Variants in TMEM40 observed in about 807,000 individuals in gnomAD.
TMEM40 encodes the protein transmembrane protein 40.
TMEM40 carries 34 observed loss-of-function variants against 40.8 expected under a neutral mutation model. The ratio of observed to expected loss-of-function variants is 0.83; its 90% CI spans 0.63 to 1.11. TMEM40 has a LOEUF of 1.11. Ranked by LOEUF, TMEM40 falls within the 50% of genes least tolerant of loss-of-function variation. The pLI, the probability that TMEM40 is intolerant of heterozygous loss-of-function variation, is 0.00. For synonymous variants in TMEM40, 106 were observed against 107.0 expected (o/e 0.99, Z 0.06); for missense variants, 296 against 280.2 (o/e 1.06, Z -0.40).
intron 5 of TMEM40, among the ~76,000 whole-genome samples, chr3:12,740,235 G>A (rs1383553601): frequency 1.3e-5 from 2 of 150,878 alleles, no homozygotes; most frequent in Non-Finnish European, 3.0e-5. Context: ...CTGGGATTAC[G>A]GGTGCCACCA....
At chr3:12,745,335 T>TGGAATTACA (rs1467323053) in intron 3 of TMEM40, among the ~76,000 whole-genome samples, 13 of 151,916 alleles carry the variant, frequency 8.6e-5, no homozygotes, top group Non-Finnish European at 1.9e-4. Flanking sequence ...CCCAAAGTGT[T>TGGAATTACA]GGAATTACAG....
chr3:12,738,608 G>C lies in TMEM40; in HGVS notation c.356-20C>G, dbSNP rs1250933244. The C allele has an allele frequency of 6.2e-7, 1 of 1,612,074 alleles. No individual in the cohort carries two copies. Among genetic ancestry groups the C allele is most frequent in the African/African-American group, 1.3e-5 (1 of 74,882 alleles). Reference sequence around the variant, plus strand: ...GAGCATCTGCACAGAAAGGAAATCAGTGATCATATACCCATGATCCTCTGG... The same window carrying C: ...GAGCATCTGCACAGAAAGGAAATCACTGATCATATACCCATGATCCTCTGG... On this transcript the variant is annotated intron_variant, in intron 5 of 11. Coordinates refer to ENST00000314124, the MANE Select transcript of TMEM40 (RefSeq NM_018306.4).
At position 12,736,640 on chromosome 3, in the gene TMEM40, G is replaced by C. The variant is rs759490002; in HGVS notation, c.557C>G (p.Ser186Cys). The C allele has an allele frequency of 1.9e-5, 31 of 1,599,912 alleles. No homozygotes were observed. Among genetic ancestry groups the C allele is most frequent in the Non-Finnish European group, 2.5e-5 (29 of 1,173,040 alleles). Residue 186 changes from serine (S) to cysteine (C), a missense_variant, in exon 10 of 12, where the codon TCT (serine) becomes TGT (cysteine). Coordinates refer to ENST00000314124, the MANE Select transcript of TMEM40 (RefSeq NM_018306.4). Reference sequence around the variant, plus strand: ...GAAGGTGAGCAGGCCGACCCCAAGAGACATGAACCAGTCTGGAAGGGCAGT... The same window carrying C: ...GAAGGTGAGCAGGCCGACCCCAAGACACATGAACCAGTCTGGAAGGGCAGT... ...CYHYYADWFM[S>C]LGVGLLTFAS... is the part of the protein sequence containing the mutation.
At chr3:12,749,276 G>A (rs901694113) in intron 2 of TMEM40, among the ~76,000 whole-genome samples, 33 of 152,186 alleles carry the variant, frequency 2.2e-4, no homozygotes, top group Non-Finnish European at 4.1e-4. Flanking sequence ...TGCCCGCCTC[G>A]GCCTCCCAAA....
chr3:12,735,638 A>C, intron 10 of TMEM40, 21 bp from the exon 11 acceptor site: 1 of 1,606,896 alleles, frequency 6.2e-7, no homozygotes. Flanking sequence ...GCAAAGAAAA[A>C]AGTAAGTTAA....
intron 1 of TMEM40, among the ~76,000 whole-genome samples, chr3:12,768,876 G>A (rs1235896963): frequency 1.4e-5 from 2 of 146,332 alleles, no homozygotes; most frequent in Non-Finnish European, 3.0e-5. Flanking sequence ...CGGCCCTGCA[G>A]GAGCCCATGG....
intron 2 of TMEM40, among the ~76,000 whole-genome samples, chr3:12,749,304 G>A (rs954034097): frequency 1.2e-4 from 19 of 152,158 alleles, no homozygotes; most frequent in African/African-American, 3.6e-4. Context: ...GATTACAGGC[G>A]TGAGCCGCCG....
intron 3 of TMEM40, 76 bp from the exon 4 acceptor site, chr3:12,744,065 T>TTTATTTA: frequency 6.9e-7 from 1 of 1,443,268 alleles, no homozygotes. Context: ...CTGGTGGCCA[T>TTTATTTA]TCTCAGAATT....
intron 4 of TMEM40, among the ~76,000 whole-genome samples, chr3:12,743,601 T>C (rs1035326153): frequency 1.3e-5 from 2 of 152,222 alleles, no homozygotes; most frequent in Non-Finnish European, 2.9e-5. Context: ...ATTAACATTT[T>C]AGCATTTTTC....
chr3:12,745,991 CG>C (rs1020612280), intron 3 of TMEM40, among the ~76,000 whole-genome samples: 2 of 151,734 alleles, frequency 1.3e-5, no homozygotes, highest in Non-Finnish European at 2.9e-5. Flanking sequence ...TCTGCCTCCC[CG>C]GCTTAAGTGA....
Position 12,739,968 on chromosome 3 carries a change from T to A in TMEM40, c.356-1380A>T, listed in dbSNP as rs549811643. On this transcript the variant is annotated intron_variant, in intron 5 of 11. Transcript: ENST00000314124. ...CCTCCCAAGTAGCTGGGATTACAGG[T>A]GTGAGCCACCATGTCTGGCTCTCAC... 4.0e-5 allele frequency among the ~76,000 whole-genome samples: 6 copies of A among 148,786 alleles called. No individual in the cohort carries two copies. The East Asian group carries it at 1.0e-3, about 25-fold the overall frequency.
At chr3:12,753,438 G>T (rs1487342540) in intron 1 of TMEM40, among the ~76,000 whole-genome samples, 1 of 151,678 alleles carries the variant, frequency 6.6e-6, no homozygotes. Flanking sequence ...TGCCCAGGCT[G>T]CTCTTGAACT....
At position 12,748,776 on chromosome 3, in the gene TMEM40, G is replaced by C. The variant is rs147231365; in HGVS notation, c.90C>G (p.Phe30Leu). ...GTCCAGCCTTCCCATCTTGCTTGTG[G>C]AAATCTGTCTCTCCATCTACAAGGC... ...TEDVDYGETD[F>L]HKQDGKAGLF... Residue 30 changes from phenylalanine to leucine, a missense_variant, in exon 3 of 12, where the codon TTC becomes TTG. Physicochemically the swap from Phe to Leu is conservative, Grantham distance 22. Coordinates refer to ENST00000314124, the MANE Select transcript of TMEM40 (RefSeq NM_018306.4). The C allele has an allele frequency of 1.2e-6, 2 of 1,614,040 alleles. No homozygotes were observed. Among genetic ancestry groups the C allele is most frequent in the Admixed American group, 3.3e-5 (2 of 60,008 alleles).
At chr3:12,735,713 C>A in intron 10 of TMEM40, 96 bp from the exon 11 acceptor site, 1 of 1,017,690 alleles carries the variant, frequency 9.8e-7, no homozygotes, top group Non-Finnish European at 1.5e-6. Context: ...GCAAACAAAG[C>A]TCTGATGGTG....
upstream of TMEM40, among the ~76,000 whole-genome samples, chr3:12,763,484 A>T (rs1169701566): frequency 1.3e-5 from 2 of 152,148 alleles, no homozygotes; most frequent in African/African-American, 4.8e-5. Context: ...GGTGATTCAT[A>T]GGACAACCTC....
chr3:12,756,247 T>C (rs867708516), intron 1 of TMEM40, among the ~76,000 whole-genome samples: 30 of 152,228 alleles, frequency 2.0e-4, no homozygotes, highest in African/African-American at 7.0e-4. Flanking sequence ...CCCACTACCA[T>C]TGGTGATTGA....
rs1559533163 is a variant in TMEM40 at position 12,755,194 on chromosome 3, C to CTTTCTTTCTTT, written c.-9+3996_-9+3997insAAAGAAAGAAA. Among the ~76,000 whole-genome samples the CTTTCTTTCTTT allele has an allele frequency of 1.3e-4, 15 of 119,062 alleles. 1 individual carries two copies. The highest frequency in any genetic ancestry group is 4.1e-4 in the African/African-American group (10 of 24,472). 78.1% of individuals were successfully genotyped at this position (119,062 alleles called of 152,430 possible). A position where few individuals can be genotyped will look rare whatever the true frequency, so the allele number is the denominator to read the frequency against. Reference sequence around the variant, plus strand: ...TTTCTCTCTCTCTCCTTCCTTCCTTCCTTCCTTTCTTTCTTTCTTTCTCTC... The same window carrying CTTTCTTTCTTT: ...TTTCTCTCTCTCTCCTTCCTTCCTTCTTTCTTTCTTTCTTCCTTTCTTTCTTTCTTTCTCTC... On this transcript the variant is annotated intron_variant, in intron 1 of 11. Transcript: ENST00000314124.
intron 1 of TMEM40, among the ~76,000 whole-genome samples, chr3:12,752,708 GA>G (rs974022063): frequency 1.1e-4 from 17 of 151,952 alleles, no homozygotes; most frequent in Admixed American, 6.6e-5. Context: ...TGAGGCAGGA[GA>G]ATCACTTGAA....
intron 1 of TMEM40, among the ~76,000 whole-genome samples, chr3:12,765,896 C>T (rs1008406082): frequency 6.6e-6 from 1 of 151,796 alleles, no homozygotes; most frequent in Non-Finnish European, 1.5e-5. Flanking sequence ...TGCACTGTTG[C>T]CCAGGCTGAA....
Sources: gnomAD v4.1 joint callset for allele counts (sites outside exome capture counted in the v4.1 genomes callset) on GRCh38, gnomAD v4.1.1 for gene constraint, MANE v1.5 for transcripts, NCBI Gene and HGNC (gene_info 2026-07-23, HGNC 2026-07-21) for gene names.